The following GABRG2 variants were observed in gnomAD, a reference collection of about 807,000 sequenced individuals.
GABRG2 encodes the protein gamma-aminobutyric acid type A receptor subunit gamma2, also known as gamma-aminobutyric acid receptor subunit gamma-2.
GABRG2 carries 16 observed loss-of-function variants against 56.4 expected under a neutral mutation model. That is an observed-to-expected ratio of 0.28 (90% CI 0.19 to 0.43). The LOEUF (loss-of-function observed/expected upper bound fraction) is 0.43. Among genes scored for constraint, GABRG2 ranks in the 20% least tolerant of loss-of-function variants. The pLI is 1.00. For missense variants in GABRG2, 327 were observed against 582.7 expected, an observed-to-expected ratio of 0.56 and a Z score of 4.52; for synonymous variants, 208 against 205.5, an observed-to-expected ratio of 1.01 and a Z score of -0.10.
intron 6 of GABRG2, among the ~76,000 whole-genome samples, chr5:162,136,143 G>T (rs1220093967): frequency 6.6e-6 from 1 of 152,116 alleles, no homozygotes; most frequent in South Asian, 2.1e-4. Context: ...AGCTGGGATG[G>T]TTCAGGATGG....
At chr5:162,126,874 C>T (rs1193476807) in intron 6 of GABRG2, among the ~76,000 whole-genome samples, 2 of 151,976 alleles carry the variant, frequency 1.3e-5, no homozygotes, top group African/African-American at 4.8e-5. Context: ...CTTATTTATC[C>T]TGTATCTACA....
At chr5:162,102,836 T>C (rs1338468891) in intron 5 of GABRG2, 1 of 229,408 alleles carries the variant, frequency 4.4e-6, no homozygotes, top group East Asian at 1.0e-4. Flanking sequence ...CTCTTTTTTT[T>C]CCTCCCTCTT....
chr5:162,102,768 A>T, intron 5 of GABRG2: 1 of 345,574 alleles, frequency 2.9e-6, no homozygotes, highest in Non-Finnish European at 5.8e-6. Context: ...GTTTTCCTCA[A>T]TTTTCATCAC....
intron 6 of GABRG2, among the ~76,000 whole-genome samples, chr5:162,106,919 T>C (rs59148473): frequency 0.8 from 120,446 of 151,274 alleles, 48,089 homozygotes; most frequent in South Asian, 0.85. Flanking sequence ...GTGTCTTGGG[T>C]GGGGGGTTGT....
chr5:162,143,907 A>G (rs1041120792), intron 7 of GABRG2, among the ~76,000 whole-genome samples: 2 of 152,196 alleles, frequency 1.3e-5, no homozygotes, highest in Non-Finnish European at 2.9e-5. Context: ...TACTGGGGGA[A>G]AAGACATCAT....
chr5:162,109,420 A>ATATT (rs1554098575), intron 6 of GABRG2, among the ~76,000 whole-genome samples: 207 of 116,072 alleles, frequency 1.8e-3, no homozygotes, highest in Middle Eastern at 4.9e-3. Flanking sequence ...ATATATATAT[A>ATATT]TATTTATTTA....
chr5:162,098,074 T>G, intron 4 of GABRG2: 1 of 573,814 alleles, frequency 1.7e-6, no homozygotes, highest in Non-Finnish European at 3.1e-6. Flanking sequence ...AGGCAAAGCT[T>G]ATTTTCCACA....
intron 8 of GABRG2, 162 bp downstream of exon 8, chr5:162,149,475 G>C: frequency 1.4e-6 from 1 of 739,880 alleles, no homozygotes; most frequent in Admixed American, 2.0e-5. Flanking sequence ...ACAGTCATTA[G>C]TTACTTGAGA....
chr5:162,104,218 A>G (rs975367073), intron 6 of GABRG2, among the ~76,000 whole-genome samples, 192 bp downstream of exon 6: 1 of 152,212 alleles, frequency 6.6e-6, no homozygotes, highest in African/African-American at 2.4e-5. Context: ...TTCTACCAAT[A>G]TGGGAAAATT....
chr5:162,126,416 G>T (rs994028174), intron 6 of GABRG2, among the ~76,000 whole-genome samples: 2 of 151,948 alleles, frequency 1.3e-5, no homozygotes, highest in African/African-American at 4.8e-5. Flanking sequence ...AGTAGTGTGT[G>T]AACTCACTTT....
rs573287535 is a variant in GABRG2, at chr5:162,144,773, G to C, written c.922+2457G>C. Among the ~76,000 whole-genome samples, 6 of 152,280 alleles carry C rather than the reference G, an allele frequency of 3.9e-5. No individual in the cohort carries two copies. The South Asian group carries it at 1.2e-3, about 32-fold the overall frequency. ...TGGTGAAGACCAATTGTAGGTACAGGTGAGAAGCGGAGCTGAGCCAGTTTC... is the reference window on the plus strand; with the variant it reads ...TGGTGAAGACCAATTGTAGGTACAGCTGAGAAGCGGAGCTGAGCCAGTTTC... On this transcript the variant is annotated intron_variant, in intron 7 of 9. Coordinates refer to ENST00000639213, the MANE Select transcript of GABRG2 (RefSeq NM_198904.4).
chr5:162,092,011 C>T (rs369024356), intron 1 of GABRG2, among the ~76,000 whole-genome samples: 14 of 152,196 alleles, frequency 9.2e-5, no homozygotes, highest in African/African-American at 3.4e-4. Context: ...CCTACCATAT[C>T]CTTTTCTCAT....
chr5:162,093,299 G>T (rs1760748039), intron 1 of GABRG2, among the ~76,000 whole-genome samples: 1 of 152,042 alleles, frequency 6.6e-6, no homozygotes, highest in African/African-American at 2.4e-5. Context: ...ACACACCCTG[G>T]GGGAAGCAAA....
At chr5:162,132,748 G>A (rs1215924481) in intron 6 of GABRG2, among the ~76,000 whole-genome samples, 2 of 152,086 alleles carry the variant, frequency 1.3e-5, no homozygotes, top group Middle Eastern at 3.4e-3. Flanking sequence ...CTGAAGTGCT[G>A]AAACTATTTC....
At chr5:162,146,913 G>A (rs1210639325) in intron 7 of GABRG2, among the ~76,000 whole-genome samples, 1 of 152,178 alleles carries the variant, frequency 6.6e-6, no homozygotes, top group Non-Finnish European at 1.5e-5. Context: ...ACAACTAAAT[G>A]ACCCAAGAGA....
upstream of GABRG2, chr5:162,067,534 CTATT>C (rs1561631862): frequency 1.2e-5 from 5 of 425,856 alleles, no homozygotes; most frequent in African/African-American, 1.0e-4. Context: ...GATTTTTTTC[CTATT>C]TATTTTAAAT....
intron 6 of GABRG2, among the ~76,000 whole-genome samples, chr5:162,124,278 A>G (rs949976952): frequency 2.0e-5 from 3 of 151,970 alleles, no homozygotes; most frequent in African/African-American, 7.2e-5. Flanking sequence ...TTCTAAAACA[A>G]TAGAAAAATA....
In GABRG2 at chr5:162,105,473, A is replaced by G. The variant is rs1286313570; in HGVS notation, c.769+1447A>G. 6.7e-5 allele frequency among the ~76,000 whole-genome samples: 8 copies of G among 119,522 alleles called. No homozygotes were observed. In the East Asian group the frequency reaches 2.0e-3, roughly 30 times the overall value. 78.4% of individuals were successfully genotyped at this position (119,522 alleles called of 152,430 possible). ...GAGAAGGAGTCTCGCTCTGTCTCCCAGGCTGGAGTGCAGTGGCGAGATCTC... is the reference window on the plus strand; with the variant it reads ...GAGAAGGAGTCTCGCTCTGTCTCCCGGGCTGGAGTGCAGTGGCGAGATCTC... On this transcript the variant is annotated intron_variant, in intron 6 of 9. Coordinates refer to ENST00000639213, the MANE Select transcript of GABRG2 (RefSeq NM_198904.4).
At chr5:162,086,142 A>C (rs1455944490) in intron 1 of GABRG2, among the ~76,000 whole-genome samples, 5 of 152,054 alleles carry the variant, frequency 3.3e-5, no homozygotes, top group Non-Finnish European at 5.9e-5. Flanking sequence ...TGAAGAGAGC[A>C]ATGGCAACCA....
Sources: gnomAD v4.1 joint callset for allele counts (sites outside exome capture counted in the v4.1 genomes callset) on GRCh38, gnomAD v4.1.1 for gene constraint, MANE v1.5 for transcripts, NCBI Gene and HGNC (gene_info 2026-07-23, HGNC 2026-07-21) for gene names.